HPS1: variants seen among roughly 807,000 people sequenced by gnomAD.
The protein encoded by HPS1 is BLOC-3 complex member HPS1.
In HPS1, 59 loss-of-function variants were observed where a neutral mutation model predicts 90.6. The observed-to-expected ratio is 0.65, with a 90% CI of 0.53 to 0.81. The LOEUF is 0.81. Among genes scored for constraint, HPS1 ranks in the 30% least tolerant of loss-of-function variants. The pLI, the probability that HPS1 is intolerant of heterozygous loss-of-function variation, is 0.00. For missense variants in HPS1, 849 were observed against 896.7 expected, an observed-to-expected ratio of 0.95 and a Z score of 0.68; for synonymous variants, 388 against 384.4, an observed-to-expected ratio of 1.01 and a Z score of -0.11.
chr10:98,419,599 A>G (rs1055031153), intron 18 of HPS1, among the ~76,000 whole-genome samples: 5 of 152,328 alleles, frequency 3.3e-5, no homozygotes, highest in African/African-American at 1.2e-4. Context: ...GCCCCGAGCC[A>G]CACCACCAGT....
At chr10:98,423,931 G>A (rs1292196096) in intron 14 of HPS1, 44 bp from the exon 15 acceptor site, 9 of 1,608,368 alleles carry the variant, frequency 5.6e-6, no homozygotes, top group Non-Finnish European at 5.9e-6. Context: ...GGGACCTAGG[G>A]GAGCCCCTCG....
At position 98,429,916 on chromosome 10, in the gene HPS1, T is replaced by G. The variant is rs772409084; in HGVS notation, c.769-27A>C. On this transcript the variant is annotated intron_variant, in intron 8 of 19. Coordinates refer to ENST00000361490, the MANE Select transcript of HPS1 (RefSeq NM_000195.5). Reference sequence around the variant, plus strand: ...TGTGCAGGGCAGGGGAGAGGCTGGTTAGCTCCTATCTGACCTGGCTCCCTC... The same window carrying G: ...TGTGCAGGGCAGGGGAGAGGCTGGTGAGCTCCTATCTGACCTGGCTCCCTC... The G allele has an allele frequency of 8.2e-6, 13 of 1,594,540 alleles. 1 individual carries two copies. In the Middle Eastern group the frequency reaches 2.0e-3, roughly 247 times the overall value.
In HPS1 at chr10:98,429,819, C is replaced by A; in HGVS notation, c.839G>T (p.Gly280Val). 2 of 1,613,770 alleles carry A rather than the reference C, an allele frequency of 1.2e-6. No individual in the cohort carries two copies. The highest frequency in any genetic ancestry group is 8.5e-7 in the Non-Finnish European group (1 of 1,180,014). Residue 280 changes from glycine to valine, a missense_variant, in exon 9 of 20, where the codon GGC (glycine) becomes GTC (valine). Coordinates refer to ENST00000361490, the MANE Select transcript of HPS1 (RefSeq NM_000195.5). ...VQQAWSPHST[G>V]PTGGSSAETE... ...CTCTGCAGAGCTCCCCCCAGTTGGGCCCGTGGAGTGAGGGCTCCAGGCCTG... is the reference window on the plus strand; with the variant it reads ...CTCTGCAGAGCTCCCCCCAGTTGGGACCGTGGAGTGAGGGCTCCAGGCCTG...
At chr10:98,415,480 G>A (rs1227080599), downstream of HPS1, among the ~76,000 whole-genome samples, 2 of 152,250 alleles carry the variant, frequency 1.3e-5, no homozygotes, top group African/African-American at 2.4e-5. Context: ...CTGAGGCTGC[G>A]GGGTTAGGGA....
chr10:98,424,334 CT>C lies in HPS1; in HGVS notation c.1375del (p.Ser459ValfsTer16), dbSNP rs281865086. ...LEFKAKAFSK[S>X]EPGSSWELLQ... is the part of the protein sequence containing the mutation. ...TCACTCCCAGGAGGATCCGGGCTCA[CT>C]TTTGGAGAAAGCCTTGGCCTTAAAC... On this transcript the variant is annotated frameshift_variant, in exon 14 of 20. Transcript: ENST00000361490. LOFTEE classifies it high-confidence loss of function. 5 of 1,612,858 alleles carry C rather than the reference CT, an allele frequency of 3.1e-6. No homozygotes were observed. The highest frequency in any genetic ancestry group is 3.4e-6 in the Non-Finnish European group (4 of 1,179,620).
rs566411892 is a variant in HPS1, at chr10:98,430,660, T to G, written c.679A>C (p.Ser227Arg). The change falls in exon 8 of 20, where the codon AGC becomes CGC. Residue 227 changes from serine to arginine, a missense_variant. Physicochemically the swap from Ser to Arg is moderately radical, Grantham distance 110. Transcript: ENST00000361490. ...LLAFYSSHSA[S>R]SLRPADLLAL... ...AGCAGGTCGGCCGGGCGCAGGGAGC[T>G]GGCACTGTGGCTGCAGACACAGGAG... 1.3e-6 allele frequency: 2 copies of G among 1,552,706 alleles called. No individual in the cohort carries two copies. Among genetic ancestry groups the G allele is most frequent in the Non-Finnish European group, 1.7e-6 (2 of 1,147,796 alleles).
chr10:98,425,101 G>C (rs145081231), intron 13 of HPS1, among the ~76,000 whole-genome samples: 9 of 152,344 alleles, frequency 5.9e-5, no homozygotes, highest in South Asian at 4.1e-4. Flanking sequence ...AAGCTCACTG[G>C]GGGTGGGGTG....
chr10:98,419,055 C>T (rs74154421), intron 18 of HPS1, among the ~76,000 whole-genome samples: 6,187 of 152,272 alleles, frequency 0.041, 386 homozygotes, highest in African/African-American at 0.14. Context: ...GTCTGATCTC[C>T]GGATCATTGT....
Position 98,417,456 on chromosome 10 carries a change from C to G in HPS1, c.*108G>C. The stretch of plus-strand genomic sequence containing the variant: ...CTGGGGCCACCCTGGGCACTCTGCC[C>G]TATCCTCAGGATGGCCACTGCAGAC... On this transcript the variant is annotated 3_prime_UTR_variant, in exon 20 of 20. Transcript: ENST00000361490. The surrounding 1 kb of genome is among the most constrained non-coding windows in gnomAD (Gnocchi z 4.2). 1 of 1,027,320 alleles carries G rather than the reference C, an allele frequency of 9.7e-7. No individual in the cohort carries two copies. Among genetic ancestry groups the G allele is most frequent in the Non-Finnish European group, 1.4e-6 (1 of 702,546 alleles). The allele number at this position is 1,027,320 out of a possible 1,614,324, so 63.6% of individuals were successfully genotyped here.
chr10:98,433,297 A>T (rs10786420), intron 6 of HPS1, among the ~76,000 whole-genome samples: 99,006 of 150,978 alleles, frequency 0.66, 32,937 homozygotes, highest in South Asian at 0.78. Context: ...AAATGAGAAA[A>T]GCTGAAAGTG....
At chr10:98,414,028 GTA>G (rs1473576979), downstream of HPS1, 4 of 151,714 alleles carry the variant, frequency 2.6e-5, no homozygotes, top group Non-Finnish European at 4.4e-5. Flanking sequence ...ATAAGCATGT[GTA>G]TATGTGTATA....
intron 17 of HPS1, 25 bp downstream of exon 17, chr10:98,422,344 C>CAA: frequency 1.6e-5 from 19 of 1,168,420 alleles, no homozygotes; most frequent in Non-Finnish European, 2.3e-5. Flanking sequence ...GCCCACCCAT[C>CAA]CCCGCCCTGG....
intron 10 of HPS1, chr10:98,429,082 T>C (rs1156380590): frequency 5.9e-6 from 2 of 338,728 alleles, no homozygotes; most frequent in African/African-American, 4.5e-5. Flanking sequence ...CCTCAGGTGA[T>C]CTACCCGCCT....
chr10:98,420,349 C>T, intron 17 of HPS1, 191 bp from the exon 18 acceptor site: 1 of 611,770 alleles, frequency 1.6e-6, no homozygotes, highest in South Asian at 1.7e-5. Flanking sequence ...GATGGACTAC[C>T]CTCCAGTTAG....
intron 10 of HPS1, among the ~76,000 whole-genome samples, chr10:98,428,697 CT>C (rs11435125): frequency 2.1e-3 from 273 of 128,138 alleles, no homozygotes; most frequent in Middle Eastern, 0.016. Flanking sequence ...CCACAGGACC[CT>C]TTTTTTTTTT....
In HPS1 at chr10:98,425,820, T is replaced by C; in HGVS notation, c.1153A>G (p.Arg385Gly). ...WQGINLVLLT[R>G]SPSAPLALVL... ...GGCAGGGTGAGGGGCTCTCCTACCC[T>C]GGTCAGGAGCACCAGGTTGATGCCC... Residue 385 changes from arginine (R) to glycine (G), a missense_variant and splice_region_variant, in exon 12 of 20, where the codon AGG (arginine) becomes GGG (glycine). Arg to Gly is a moderately radical substitution (Grantham distance 125, BLOSUM62 -2). Transcript: ENST00000361490. 1 of 1,613,604 alleles carries C rather than the reference T, an allele frequency of 6.2e-7. No homozygotes were observed. Among genetic ancestry groups the C allele is most frequent in the Non-Finnish European group, 8.5e-7 (1 of 1,179,762 alleles).
At chr10:98,429,918 G>T in intron 8 of HPS1, 29 bp from the exon 9 acceptor site, 1 of 1,589,656 alleles carries the variant, frequency 6.3e-7, no homozygotes, top group Non-Finnish European at 8.6e-7. Flanking sequence ...AGGCTGGTTA[G>T]CTCCTATCTG....
rs951273977 is a variant in HPS1, at chr10:98,445,899, C to T, written c.-105-495G>A. Among the ~76,000 whole-genome samples the T allele has an allele frequency of 2.0e-5, 3 of 152,202 alleles. No homozygotes were observed. In the South Asian group the frequency reaches 6.2e-4, roughly 31 times the overall value. On this transcript the variant is annotated intron_variant, in intron 1 of 19. Coordinates refer to ENST00000361490, the MANE Select transcript of HPS1 (RefSeq NM_000195.5). This position sits in a 1 kb window ranked among gnomAD's most constrained non-coding sequence, Gnocchi z 4.5. ...AACCTCTCTGAGCCTCAAACTCCTGCGGAGAAACAGAGCAACATCCCCTAC... is the reference window on the plus strand; with the variant it reads ...AACCTCTCTGAGCCTCAAACTCCTGTGGAGAAACAGAGCAACATCCCCTAC...
chr10:98,436,599 C>T (rs1847363694), intron 3 of HPS1, among the ~76,000 whole-genome samples: 1 of 151,900 alleles, frequency 6.6e-6, no homozygotes, highest in Admixed American at 6.6e-5. Context: ...AGGAACAAAA[C>T]AAATAAACAA....
Sources: gnomAD v4.1 joint callset for allele counts (sites outside exome capture counted in the v4.1 genomes callset) on GRCh38, gnomAD v4.1.1 for gene constraint, Gnocchi (gnomAD v3.1) non-coding constraint, MANE v1.5 for transcripts, NCBI Gene and HGNC (gene_info 2026-07-23, HGNC 2026-07-21) for gene names.